SPTBN5: variants seen among roughly 807,000 people sequenced by gnomAD.
The protein encoded by SPTBN5 is spectrin beta, non-erythrocytic 5, also known as spectrin beta chain, non-erythrocytic 5.
In SPTBN5, 513 loss-of-function variants were observed where a neutral mutation model predicts 477.6. The ratio of observed to expected loss-of-function variants is 1.07; its 90% CI spans 1.00 to 1.16. The LOEUF is 1.16. Ranked by LOEUF, SPTBN5 falls within the 50% of genes most tolerant of loss-of-function variation. The probability of loss-of-function intolerance (pLI) is 0.00; values close to 1 mark genes in which losing one functional copy is unlikely to be tolerated. For synonymous variants in SPTBN5, 2,169 were observed against 2,011.7 expected (o/e 1.08, Z -2.09); for missense variants, 5,062 against 4,731.8 (o/e 1.07, Z -2.05).
rs2065958852 is a variant in SPTBN5 at position 41,857,426 on chromosome 15, T to C, written c.8433A>G (p.Arg2811=). Residue 2811 remains arginine (R), a synonymous_variant, in exon 51 of 68, where the codon AGA becomes AGG. Transcript: ENST00000320955. ...NWLEPIEVEL[R]APTVGQALPG... ...GCAGGGCCTGGCCCACAGTGGGGGCTCTCAGCTCAACCTCGATGGGCTCCA... is the reference window on the plus strand; with the variant it reads ...GCAGGGCCTGGCCCACAGTGGGGGCCCTCAGCTCAACCTCGATGGGCTCCA... 2 of 1,603,436 alleles carry C rather than the reference T, an allele frequency of 1.2e-6. No individual in the cohort carries two copies. The highest frequency in any genetic ancestry group is 1.1e-5 in the South Asian group (1 of 89,102).
chr15:41,859,730 G>A (rs535486687), intron 47 of SPTBN5, among the ~76,000 whole-genome samples: 1 of 152,242 alleles, frequency 6.6e-6, no homozygotes, highest in South Asian at 2.1e-4. Context: ...TGGGGTAGGG[G>A]GTGGTGACAA....
intron 7 of SPTBN5, among the ~76,000 whole-genome samples, chr15:41,884,656 G>A (rs990772657): frequency 6.6e-6 from 1 of 152,030 alleles, no homozygotes; most frequent in Non-Finnish European, 1.5e-5. Context: ...TGTGTCACTC[G>A]TCTGCTCCAG....
Position 41,877,208 on chromosome 15 carries a change from C to T in SPTBN5, c.3619G>A (p.Gly1207Arg), listed in dbSNP as rs1037051969. 1.2e-6 allele frequency: 2 copies of T among 1,614,008 alleles called. No homozygotes were observed. The highest frequency in any genetic ancestry group is 1.7e-6 in the Non-Finnish European group (2 of 1,179,904). The change falls in exon 18 of 68, where the codon GGG (glycine) becomes AGG (arginine). Residue 1207 changes from glycine (G) to arginine (R), a missense_variant. Transcript: ENST00000320955. ...CGGCCAAACTTCTGCAGCTCCAGCC[C>T]CTCTTGCAGCCACTGCTGCCTCTGC... ...WEQRQQWLQE[G>R]LELQKFGREV... is the part of the protein sequence containing the mutation.
intron 65 of SPTBN5, 34 bp from the exon 66 acceptor site, chr15:41,850,973 TC>T: frequency 6.3e-7 from 1 of 1,591,682 alleles, no homozygotes; most frequent in South Asian, 1.1e-5. Flanking sequence ...AACTCCACTG[TC>T]CCTTTGGGGA....
rs1041629373 is a variant in SPTBN5 at position 41,872,519 on chromosome 15, C to T, written c.5008-60G>A. On this transcript the variant is annotated intron_variant, in intron 26 of 67. Transcript: ENST00000320955. Reference sequence around the variant, plus strand: ...TGGGTGACTCATCCACCCACCTGTCCGTCCCCCACCCATCCAGTCACCAAT... The same window carrying T: ...TGGGTGACTCATCCACCCACCTGTCTGTCCCCCACCCATCCAGTCACCAAT... 5.3e-5 allele frequency: 79 copies of T among 1,499,638 alleles called. No individual in the cohort carries two copies. The African/African-American group carries it at 6.9e-4, about 13-fold the overall frequency. 92.9% of individuals were successfully genotyped at this position (1,499,638 alleles called of 1,614,324 possible).
rs2065867418 is a variant in SPTBN5 at position 41,854,287 on chromosome 15, C to T, written c.9619-82G>A. 4.0e-6 allele frequency: 6 copies of T among 1,492,178 alleles called. No individual in the cohort carries two copies. In the African/African-American group the frequency reaches 7.0e-5, roughly 17 times the overall value. The allele number at this position is 1,492,178 out of a possible 1,614,324, so 92.4% of individuals were successfully genotyped here. A position where few individuals can be genotyped will look rare whatever the true frequency, so the allele number is the denominator to read the frequency against. On this transcript the variant is annotated intron_variant, in intron 56 of 67. Transcript: ENST00000320955. ...TCCCTGGAGACATGGCCTTCTGGGC[C>T]ACCTCCTTTTGAACAAGGAGGATCA...
Position 41,854,823 on chromosome 15 carries a change from C to A in SPTBN5, c.9577G>T (p.Ala3193Ser). The change falls in exon 56 of 68, where the codon GCT becomes TCT. Residue 3193 changes from alanine (A) to serine (S), a missense_variant. Physicochemically the swap from Ala to Ser is moderately conservative, Grantham distance 99. Coordinates refer to ENST00000320955, the MANE Select transcript of SPTBN5 (RefSeq NM_016642.4). Reference protein sequence around the residue: ...IQAQRSRIEAAWERLDQAIKA... With the variant: ...IQAQRSRIEASWERLDQAIKA... ...ATTGCTTGGTCCAACCTCTCCCAAG[C>A]AGCCTCAATGCGGCTCCTCTGGGCT... 1 of 1,585,152 alleles carries A rather than the reference C, an allele frequency of 6.3e-7. No individual in the cohort carries two copies. Among genetic ancestry groups the A allele is most frequent in the Admixed American group, 1.8e-5 (1 of 54,314 alleles).
intron 65 of SPTBN5, 59 bp downstream of exon 65, chr15:41,851,000 C>A: frequency 6.3e-7 from 1 of 1,590,530 alleles, no homozygotes; most frequent in African/African-American, 1.3e-5. Flanking sequence ...ACGCCTCCAG[C>A]CCCCGCTGAG....
chr15:41,879,810 A>T lies in SPTBN5; in HGVS notation c.2866T>A (p.Ser956Thr). ...GKGLWAEVSS[S>T]AEQLRQRYPG... ...TATCTCTGCCTCAGTTGCTCAGCAG[A>T]GCTGCTGACCTCAGCCCAGAGGCCC... Residue 956 changes from serine (S) to threonine (T), a missense_variant, in exon 15 of 68, where the codon TCT becomes ACT. Ser to Thr is a moderately conservative substitution (Grantham distance 58). Coordinates refer to ENST00000320955, the MANE Select transcript of SPTBN5 (RefSeq NM_016642.4). 6.2e-7 allele frequency: 1 copy of T among 1,613,952 alleles called. No individual in the cohort carries two copies. Among genetic ancestry groups the T allele is most frequent in the Non-Finnish European group, 8.5e-7 (1 of 1,179,834 alleles).
chr15:41,879,849 G>A lies in SPTBN5; in HGVS notation c.2827C>T (p.Leu943=). ...QLKYENFLTA[L]AVGKGLWAEV... ...GCCCAGAGGCCCTTTCCCACAGCCAGGGCAGTGAGGAAGTTCTAGGGAAAA... is the reference window on the plus strand; with the variant it reads ...GCCCAGAGGCCCTTTCCCACAGCCAAGGCAGTGAGGAAGTTCTAGGGAAAA... The change falls in exon 15 of 68, where the codon CTG becomes TTG. Residue 943 remains leucine, a synonymous_variant. Transcript: ENST00000320955. 1.2e-6 allele frequency: 2 copies of A among 1,613,928 alleles called. No individual in the cohort carries two copies. Among genetic ancestry groups the A allele is most frequent in the South Asian group, 1.1e-5 (1 of 91,074 alleles).
At chr15:41,850,742 G>T in intron 66 of SPTBN5, 112 bp downstream of exon 66, 1 of 916,020 alleles carries the variant, frequency 1.1e-6, no homozygotes, top group Non-Finnish European at 1.6e-6. Flanking sequence ...CTTCTTGGAG[G>T]TTAGAGATGC....
At chr15:41,874,220 A>C (rs2066640234) in intron 24 of SPTBN5, 72 bp downstream of exon 24, 2 of 1,543,878 alleles carry the variant, frequency 1.3e-6, no homozygotes, top group Admixed American at 3.7e-5. Context: ...AGGACACCTG[A>C]GTAGGGGCAG....
At chr15:41,869,725 C>A (rs2066464962) in intron 32 of SPTBN5, 116 bp downstream of exon 32, 3 of 1,165,054 alleles carry the variant, frequency 2.6e-6, no homozygotes, top group Admixed American at 3.9e-5. Context: ...TGCTCTCCCA[C>A]CCAAGTCCAT....
rs116006899 is a variant in SPTBN5, at chr15:41,850,434, G to A, written c.10921+420C>T. On this transcript the variant is annotated intron_variant, in intron 66 of 67. Coordinates refer to ENST00000320955, the MANE Select transcript of SPTBN5 (RefSeq NM_016642.4). ...GTAGAACCTGGCTTGCTTACTGTCT[G>A]CAAAACAACTCAAGGGTGGTGACAT... is the stretch of plus-strand genomic sequence containing the variant. The A allele has an allele frequency of 2.6e-3, 593 of 228,764 alleles. 5 individuals carry two copies. Among genetic ancestry groups the A allele is most frequent in the African/African-American group, 0.013 (565 of 44,814 alleles). 14.2% of individuals were successfully genotyped at this position (228,764 alleles called of 1,614,324 possible).
At position 41,867,041 on chromosome 15, in the gene SPTBN5, C is replaced by G. The variant is rs1010392531; in HGVS notation, c.6398G>C (p.Arg2133Thr). The G allele has an allele frequency of 1.9e-6, 3 of 1,553,374 alleles. No homozygotes were observed. In the African/African-American group the frequency reaches 4.1e-5, roughly 21 times the overall value. Residue 2133 changes from arginine (R) to threonine (T), a missense_variant, in exon 36 of 68, where the codon AGA (arginine) becomes ACA (threonine). Physicochemically the swap from Arg to Thr is moderately conservative, Grantham distance 71 (BLOSUM62 -1). Coordinates refer to ENST00000320955, the MANE Select transcript of SPTBN5 (RefSeq NM_016642.4). Reference sequence around the variant, plus strand: ...CCGGCTCTCCGCCAGCTCCTTCACTCTCATCCGGCGCTGCAGCAGGATGGG... The same window carrying G: ...CCGGCTCTCCGCCAGCTCCTTCACTGTCATCCGGCGCTGCAGCAGGATGGG... Reference protein sequence around the residue: ...RLPILLQRRMRVKELAESRGH... With the variant: ...RLPILLQRRMTVKELAESRGH...
chr15:41,851,930 T>G, intron 62 of SPTBN5, 80 bp from the exon 63 acceptor site: 1 of 1,159,698 alleles, frequency 8.6e-7, no homozygotes, highest in Non-Finnish European at 1.3e-6. Flanking sequence ...TGCCCCCAGC[T>G]CTCTTTATTC....
At chr15:41,892,561 T>G (rs1472844790) in intron 3 of SPTBN5, among the ~76,000 whole-genome samples, 1 of 152,214 alleles carries the variant, frequency 6.6e-6, no homozygotes, top group Non-Finnish European at 1.5e-5. Context: ...GGCCTCTGTT[T>G]CCTCATCTGT....
intron 3 of SPTBN5, among the ~76,000 whole-genome samples, chr15:41,891,356 G>A (rs1242094580): frequency 6.6e-6 from 1 of 152,158 alleles, no homozygotes; most frequent in Non-Finnish European, 1.5e-5. Flanking sequence ...GTAAACTTTG[G>A]TATATCTGGC....
chr15:41,870,614 TC>T, intron 29 of SPTBN5, 54 bp from the exon 30 acceptor site: 1 of 1,471,724 alleles, frequency 6.8e-7, no homozygotes, highest in Non-Finnish European at 9.3e-7. Context: ...GCCGTGTCAT[TC>T]CTCCCTCCCG....
Sources: gnomAD v4.1 joint callset for allele counts (sites outside exome capture counted in the v4.1 genomes callset) on GRCh38, gnomAD v4.1.1 for gene constraint, MANE v1.5 for transcripts, NCBI Gene and HGNC (gene_info 2026-07-23, HGNC 2026-07-21) for gene names.